The following INPPL1 variants were observed in gnomAD, a reference collection of about 807,000 sequenced individuals.
INPPL1 encodes the protein phosphatidylinositol 3,4,5-trisphosphate 5-phosphatase 2.
In INPPL1, 91 loss-of-function variants were observed where a neutral mutation model predicts 139.3. That is an observed-to-expected ratio of 0.65 (90% CI 0.55 to 0.78). The LOEUF (loss-of-function observed/expected upper bound fraction) is 0.78. Ranked by LOEUF, INPPL1 falls within the 30% of genes least tolerant of loss-of-function variation. The probability of loss-of-function intolerance (pLI) is 0.00; values close to 1 mark genes in which losing one functional copy is unlikely to be tolerated. For synonymous variants in INPPL1, 719 were observed against 686.6 expected (o/e 1.05, Z -0.74); for missense variants, 1,411 against 1,665.6 (o/e 0.85, Z 2.66).
At chr11:72,233,556 T>C in intron 18 of INPPL1, 34 bp downstream of exon 18, 3 of 1,607,766 alleles carry the variant, frequency 1.9e-6, no homozygotes, top group East Asian at 2.2e-5. Flanking sequence ...ATGGGAGATC[T>C]GGGGTGGTCA....
At position 72,235,396 on chromosome 11, in the gene INPPL1, C is replaced by G. The variant is rs751353129; in HGVS notation, c.2604C>G (p.Gly868=). The G allele has an allele frequency of 5.0e-6, 8 of 1,613,874 alleles. No homozygotes were observed. Among genetic ancestry groups the G allele is most frequent in the Middle Eastern group, 1.6e-4 (1 of 6,084 alleles). The change falls in exon 23 of 28, where the codon GGC becomes GGG. Residue 868 remains glycine (G), a synonymous_variant. Coordinates refer to ENST00000298229, the MANE Select transcript of INPPL1 (RefSeq NM_001567.4). The surrounding 1 kb of genome is among the most constrained non-coding windows in gnomAD (Gnocchi z 4.9). ...GCGAGGAGACAGGCAATATCAGAGG[C>G]TCCATGAAGGTGCGGGTGCCCACGG... The part of the protein sequence containing the change: ...HRGEETGNIR[G]SMKVRVPTER...
rs201835641 is a variant in INPPL1, at chr11:72,228,856, C to G, written c.518+9C>G. On this transcript the variant is annotated intron_variant, in intron 4 of 27. Transcript: ENST00000298229. The surrounding 1 kb of genome is among the most constrained non-coding windows in gnomAD (Gnocchi z 5.0). ...GCTCCAGCTGCTGAGAGGTGAGACC[C>G]CCATCCCATCCACTGAACAGGAGAC... 7.3e-5 allele frequency: 115 copies of G among 1,578,228 alleles called. No individual in the cohort carries two copies. Among genetic ancestry groups the G allele is most frequent in the Non-Finnish European group, 9.0e-5 (105 of 1,164,708 alleles).
chr11:72,228,122 G>A lies in INPPL1; in HGVS notation c.183-68G>A. 1.3e-6 allele frequency: 2 copies of A among 1,560,044 alleles called. No individual in the cohort carries two copies. Among genetic ancestry groups the A allele is most frequent in the Non-Finnish European group, 1.8e-6 (2 of 1,131,286 alleles). On this transcript the variant is annotated intron_variant, in intron 1 of 27. Transcript: ENST00000298229. The surrounding 1 kb of genome is among the most constrained non-coding windows in gnomAD (Gnocchi z 5.0). ...TGGGGTGCTGAGCTTGCTGGCAGGA[G>A]GAAGGGGTGCTTTGGGTCTTAGACC...
At chr11:72,236,425 C>T (rs1948991725) in intron 25 of INPPL1, among the ~76,000 whole-genome samples, 1 of 152,202 alleles carries the variant, frequency 6.6e-6, no homozygotes, top group Non-Finnish European at 1.5e-5. Context: ...TAGACATTCC[C>T]AGTGCATGTT....
chr11:72,232,028 C>T (rs999946942), intron 13 of INPPL1, among the ~76,000 whole-genome samples: 1 of 152,152 alleles, frequency 6.6e-6, no homozygotes, highest in African/African-American at 2.4e-5. Flanking sequence ...CACATACAGA[C>T]AGACTCAGGC....
In INPPL1 at chr11:72,225,137, CGTGGCGGGGGCCTT is replaced by C; in HGVS notation, c.154_167del (p.Val52ArgfsTer18). 8.1e-7 allele frequency: 1 copy of C among 1,234,484 alleles called. No individual in the cohort carries two copies. The highest frequency in any genetic ancestry group is 1.0e-6 in the Non-Finnish European group (1 of 989,260). The allele number at this position is 1,234,484 out of a possible 1,614,324, so 76.5% of individuals were successfully genotyped here. On this transcript the variant is annotated frameshift_variant, in exon 1 of 28. Transcript: ENST00000298229. LOFTEE classifies it high-confidence loss of function. ...GCTTCCTGGTCCGAGACAGCGAGAG[CGTGGCGGGGGCCTT>C]CGCGCTCTGCGTCCTGTGAGTGGGG...
rs967236028 is a variant in INPPL1, at chr11:72,235,020, G to A, written c.2416-96G>A. 3.2e-5 allele frequency: 31 copies of A among 960,688 alleles called. No homozygotes were observed. Among genetic ancestry groups the A allele is most frequent in the Non-Finnish European group, 4.2e-5 (26 of 618,070 alleles). 59.5% of individuals were successfully genotyped at this position (960,688 alleles called of 1,614,324 possible). On this transcript the variant is annotated intron_variant, in intron 21 of 27. Coordinates refer to ENST00000298229, the MANE Select transcript of INPPL1 (RefSeq NM_001567.4). This position sits in a 1 kb window ranked among gnomAD's most constrained non-coding sequence, Gnocchi z 4.9. ...GAGTGTGAGTGAGCACAGATGACCT[G>A]AGGGTGGGGATTGAGTGGTGTCAGG...
At chr11:72,223,897 T>A (rs1277898189), upstream of INPPL1, 1 of 152,032 alleles carries the variant, frequency 6.6e-6, no homozygotes, top group Admixed American at 6.6e-5. Flanking sequence ...GATGGCCATC[T>A]TAAGTGGCCG....
chr11:72,237,573 TG>T lies in INPPL1; in HGVS notation c.3334del (p.Glu1112LysfsTer19). ...PPGPSPASTF[L>X]GEVASGDDRS... Reference sequence around the variant, plus strand: ...GGCCCCTCACCAGCCAGCACTTTCCTGGGGGAAGTGGCCAGTGGGGATGACC... The same window carrying T: ...GGCCCCTCACCAGCCAGCACTTTCCTGGGGAAGTGGCCAGTGGGGATGACC... On this transcript the variant is annotated frameshift_variant, in exon 26 of 28. Coordinates refer to ENST00000298229, the MANE Select transcript of INPPL1 (RefSeq NM_001567.4). LOFTEE classifies it high-confidence loss of function. The T allele has an allele frequency of 6.3e-7, 1 of 1,597,898 alleles. No homozygotes were observed. The highest frequency in any genetic ancestry group is 1.1e-5 in the South Asian group (1 of 89,968).
intron 1 of INPPL1, chr11:72,227,973 AGACGGGGGTGTTC>A: frequency 3.0e-6 from 1 of 333,696 alleles, no homozygotes; most frequent in Non-Finnish European, 5.3e-6. Flanking sequence ...TCTGGTGGGG[AGACGGGGGTGTTC>A]TGGTCATTCC....
At position 72,234,928 on chromosome 11, in the gene INPPL1, G is replaced by A. The variant is rs1038944879; in HGVS notation, c.2416-188G>A. On this transcript the variant is annotated intron_variant, in intron 21 of 27. Transcript: ENST00000298229. This position sits in a 1 kb window ranked among gnomAD's most constrained non-coding sequence, Gnocchi z 4.2. ...AATTAATTAGTTACAGTGATGCTAG[G>A]TGCTGTAAAAGGCCTGTATAGGGCT... 6.6e-5 allele frequency among the ~76,000 whole-genome samples: 10 copies of A among 152,148 alleles called. No individual in the cohort carries two copies. The highest frequency in any genetic ancestry group is 2.4e-4 in the African/African-American group (10 of 41,410).
At position 72,225,178 on chromosome 11, in the gene INPPL1, G is replaced by C; in HGVS notation, c.182+12G>C. On this transcript the variant is annotated intron_variant, in intron 1 of 27. Transcript: ENST00000298229. Reference sequence around the variant, plus strand: ...GCGCTCTGCGTCCTGTGAGTGGGGCGGGGGCTCCTTGCGGGCTGGCGTGGA... The same window carrying C: ...GCGCTCTGCGTCCTGTGAGTGGGGCCGGGGCTCCTTGCGGGCTGGCGTGGA... The C allele has an allele frequency of 8.2e-7, 1 of 1,226,618 alleles. No homozygotes were observed. The highest frequency in any genetic ancestry group is 1.0e-6 in the Non-Finnish European group (1 of 983,824). 76.0% of individuals were successfully genotyped at this position (1,226,618 alleles called of 1,614,324 possible).
At position 72,228,531 on chromosome 11, in the gene INPPL1, C is replaced by A. The variant is rs966495240; in HGVS notation, c.397+33C>A. On this transcript the variant is annotated intron_variant, in intron 3 of 27. Transcript: ENST00000298229. The surrounding 1 kb of genome is among the most constrained non-coding windows in gnomAD (Gnocchi z 5.0). Reference sequence around the variant, plus strand: ...CCAGTGTGCAGGTCCCCTCCCTGCCCCTGTCCCTTGGCTCTACCTGCCTCT... The same window carrying A: ...CCAGTGTGCAGGTCCCCTCCCTGCCACTGTCCCTTGGCTCTACCTGCCTCT... 34 of 1,598,824 alleles carry A rather than the reference C, an allele frequency of 2.1e-5. No homozygotes were observed. The African/African-American group carries it at 3.7e-4, about 18-fold the overall frequency.
In INPPL1 at chr11:72,228,545, C is replaced by A. The variant is rs1948740331; in HGVS notation, c.397+47C>A. 6.3e-7 allele frequency: 1 copy of A among 1,590,992 alleles called. No individual in the cohort carries two copies. The highest frequency in any genetic ancestry group is 1.3e-5 in the African/African-American group (1 of 74,812). On this transcript the variant is annotated intron_variant, in intron 3 of 27. Coordinates refer to ENST00000298229, the MANE Select transcript of INPPL1 (RefSeq NM_001567.4). This position sits in a 1 kb window ranked among gnomAD's most constrained non-coding sequence, Gnocchi z 5.0. ...CCCTCCCTGCCCCTGTCCCTTGGCT[C>A]TACCTGCCTCTTCCCATCCCCCCTT...
At position 72,228,057 on chromosome 11, in the gene INPPL1, G is replaced by A. The variant is rs1591270654; in HGVS notation, c.183-133G>A. The A allele has an allele frequency of 3.6e-6, 3 of 827,510 alleles. No homozygotes were observed. The East Asian group carries it at 7.5e-5, about 21-fold the overall frequency. The allele number at this position is 827,510 out of a possible 1,614,324, so 51.3% of individuals were successfully genotyped here. ...CCGGCCACATCATTAACCCTGTGCA[G>A]CCTGGGCAGGTGGTTTTAGGGAAAC... is the stretch of plus-strand genomic sequence containing the variant. On this transcript the variant is annotated intron_variant, in intron 1 of 27. Transcript: ENST00000298229. The surrounding 1 kb of genome is among the most constrained non-coding windows in gnomAD (Gnocchi z 5.0).
rs748020877 is a variant in INPPL1, at chr11:72,234,611, C to T, written c.2411C>T (p.Pro804Leu). 8 of 1,611,930 alleles carry T rather than the reference C, an allele frequency of 5.0e-6. No homozygotes were observed. Among genetic ancestry groups the T allele is most frequent in the Non-Finnish European group, 6.8e-6 (8 of 1,178,282 alleles). Residue 804 changes from proline to leucine, a missense_variant, in exon 21 of 28, where the codon CCC becomes CTC. Physicochemically the swap from Pro to Leu is moderately conservative, Grantham distance 98 (BLOSUM62 -3). Coordinates refer to ENST00000298229, the MANE Select transcript of INPPL1 (RefSeq NM_001567.4). The surrounding 1 kb of genome is among the most constrained non-coding windows in gnomAD (Gnocchi z 4.2). ...GTGCAGTGGTCTTCACGCCAGCTGCCCACGGTGAGGCTGTGGGCAGGGCCC... is the reference window on the plus strand; with the variant it reads ...GTGCAGTGGTCTTCACGCCAGCTGCTCACGGTGAGGCTGTGGGCAGGGCCC... Reference protein sequence around the residue: ...LKVQWSSRQLPTLKPILADIE... With the variant: ...LKVQWSSRQLLTLKPILADIE...
At position 72,239,095 on chromosome 11, in the gene INPPL1, T is replaced by A. The variant is rs1279702438; in HGVS notation, c.*742T>A. 3 of 152,152 alleles carry A rather than the reference T, an allele frequency of 2.0e-5. No homozygotes were observed. The highest frequency in any genetic ancestry group is 4.4e-5 in the Non-Finnish European group (3 of 68,048). The allele number at this position is 152,152 out of a possible 1,614,324, so 9.4% of individuals were successfully genotyped here. On this transcript the variant is annotated 3_prime_UTR_variant, in exon 28 of 28. Transcript: ENST00000298229. ...GGCGTGATGTCTTCAATAAATTAAG[T>A]TTTATTTGGATTGAGTAAAACTTCA...
chr11:72,231,276 C>A, intron 12 of INPPL1, 87 bp downstream of exon 12: 2 of 1,291,326 alleles, frequency 1.5e-6, no homozygotes, highest in Non-Finnish European at 1.1e-6. Flanking sequence ...ACCCTGGGAG[C>A]ACAGCTTCAC....
At chr11:72,224,603 G>T (rs1490443790), upstream of INPPL1, among the ~76,000 whole-genome samples, 1 of 148,976 alleles carries the variant, frequency 6.7e-6, no homozygotes, top group African/African-American at 2.5e-5. Flanking sequence ...TCATTGTGGG[G>T]TCTGGGAGGT....
Sources: allele counts gnomAD v4.1 joint callset (sites outside exome capture counted in the v4.1 genomes callset), GRCh38; gene constraint gnomAD v4.1.1; non-coding constraint Gnocchi (gnomAD v3.1); transcripts MANE v1.5; gene names NCBI Gene and HGNC (gene_info 2026-07-23, HGNC 2026-07-21).